SORCS2: variants seen among roughly 807,000 people sequenced by gnomAD.
The protein encoded by SORCS2 is sortilin related VPS10 domain containing receptor 2.
In SORCS2, 100 loss-of-function variants were observed where a neutral mutation model predicts 141.6. The observed-to-expected ratio is 0.71, with a 90% CI of 0.60 to 0.83. The LOEUF (loss-of-function observed/expected upper bound fraction) is 0.83. SORCS2 is among the 40% of genes least tolerant of loss of function. SORCS2 has a pLI of 0.00. For missense variants in SORCS2, 1,646 were observed against 1,560.2 expected, an observed-to-expected ratio of 1.05 and a Z score of -0.93; for synonymous variants, 789 against 676.9, an observed-to-expected ratio of 1.17 and a Z score of -2.57.
In SORCS2 at chr4:7,638,232, G is replaced by A. The variant is rs1380012009; in HGVS notation, c.649-96G>A. ...TCACAACCCCCTTTCTGGTGTGAGG[G>A]AGAGAGGCGCACCTGGCCCAGGCCT... On this transcript the variant is annotated intron_variant, in intron 3 of 26. Coordinates refer to ENST00000507866, the MANE Select transcript of SORCS2 (RefSeq NM_020777.3). The A allele has an allele frequency of 3.6e-6, 5 of 1,390,774 alleles. No homozygotes were observed. In the East Asian group the frequency reaches 1.3e-4, roughly 37 times the overall value. 86.2% of individuals were successfully genotyped at this position (1,390,774 alleles called of 1,614,324 possible).
chr4:7,403,152 A>G (rs756567959), intron 2 of SORCS2, among the ~76,000 whole-genome samples: 3 of 152,194 alleles, frequency 2.0e-5, no homozygotes, highest in Non-Finnish European at 4.4e-5. Flanking sequence ...GCTATATGGC[A>G]ATAACGAACC....
intron 1 of SORCS2, among the ~76,000 whole-genome samples, chr4:7,335,778 G>A (rs939458612): frequency 2.6e-5 from 4 of 152,260 alleles, no homozygotes; most frequent in African/African-American, 9.6e-5. Context: ...CGGCTGGGGG[G>A]TGTGGCGTGG....
intron 3 of SORCS2, among the ~76,000 whole-genome samples, chr4:7,616,311 C>T (rs978318507): frequency 2.6e-5 from 4 of 152,116 alleles, no homozygotes; most frequent in Admixed American, 2.6e-4. Context: ...ATCCATCCAT[C>T]CATCCATCTG....
At chr4:7,501,060 T>G (rs1364311894) in intron 2 of SORCS2, among the ~76,000 whole-genome samples, 25 of 152,222 alleles carry the variant, frequency 1.6e-4, no homozygotes, top group Admixed American at 9.8e-4. Flanking sequence ...CTTGGGACCG[T>G]GAGCCCTGGA....
At chr4:7,701,102 C>G (rs1725048144) in intron 12 of SORCS2, among the ~76,000 whole-genome samples, 1 of 152,182 alleles carries the variant, frequency 6.6e-6, no homozygotes, top group Admixed American at 6.5e-5. Flanking sequence ...GGGCTTAATC[C>G]TTCTTGGCCC....
chr4:7,373,478 A>ATT (rs71173496), intron 1 of SORCS2, among the ~76,000 whole-genome samples: 2,169 of 36,736 alleles, frequency 0.059, 347 homozygotes, highest in Non-Finnish European at 0.072. Context: ...ATATATATAT[A>ATT]TTTTTTTTTT....
At chr4:7,495,226 C>T (rs559603783) in intron 2 of SORCS2, among the ~76,000 whole-genome samples, 2 of 152,340 alleles carry the variant, frequency 1.3e-5, no homozygotes, top group Admixed American at 6.5e-5. Context: ...CAGAACTCTG[C>T]CTCCCCTTGG....
chr4:7,594,057 C>G (rs757934676), intron 3 of SORCS2, among the ~76,000 whole-genome samples: 28 of 152,336 alleles, frequency 1.8e-4, no homozygotes, highest in Admixed American at 5.9e-4. Context: ...TGGGCTAGGT[C>G]TGGTGATACC....
intron 8 of SORCS2, among the ~76,000 whole-genome samples, chr4:7,674,129 G>A (rs1303396285): frequency 2.6e-5 from 4 of 151,856 alleles, no homozygotes; most frequent in Non-Finnish European, 5.9e-5. Flanking sequence ...ACATGGGGAC[G>A]GCCAGGCTCT....
chr4:7,242,404 A>G (rs111492801), intron 1 of SORCS2, among the ~76,000 whole-genome samples: 2,945 of 151,692 alleles, frequency 0.019, 80 homozygotes, highest in African/African-American at 0.066. Flanking sequence ...GGGTCTCACT[A>G]TGTTGCCCAG....
chr4:7,658,481 A>G (rs1015270784), intron 5 of SORCS2, among the ~76,000 whole-genome samples: 7 of 152,176 alleles, frequency 4.6e-5, no homozygotes, highest in Admixed American at 3.9e-4. Flanking sequence ...AGGAGAGAGC[A>G]ATGTCAGGCC....
At chr4:7,246,917 T>A (rs1433593626) in intron 1 of SORCS2, among the ~76,000 whole-genome samples, 2 of 152,200 alleles carry the variant, frequency 1.3e-5, no homozygotes, top group Non-Finnish European at 2.9e-5. Context: ...CAGTCCTCCC[T>A]CCGTCCAGGC....
intron 2 of SORCS2, among the ~76,000 whole-genome samples, chr4:7,406,417 A>T (rs1724975233): frequency 1.5e-5 from 2 of 135,346 alleles, no homozygotes; most frequent in Non-Finnish European, 3.2e-5. Flanking sequence ...TTTTGTTACT[A>T]ATTGTTGACT....
Position 7,531,540 on chromosome 4 carries a change from T to A in SORCS2, c.559T>A (p.Phe187Ile), listed in dbSNP as rs1299170789. Residue 187 changes from phenylalanine to isoleucine, a missense_variant, in exon 3 of 27, where the codon TTC becomes ATC. Coordinates refer to ENST00000507866, the MANE Select transcript of SORCS2 (RefSeq NM_020777.3). Reference protein sequence around the residue: ...LESSLWRSSDFGTSYTKLTLQ... With the variant: ...LESSLWRSSDIGTSYTKLTLQ... The stretch of plus-strand genomic sequence containing the variant: ...CCCCTTTTCCCCCAGGTCATCAGAT[T>A]TCGGGACGTCCTACACCAAGCTCAC... 7.4e-6 allele frequency: 12 copies of A among 1,613,640 alleles called. No individual in the cohort carries two copies. Among genetic ancestry groups the A allele is most frequent in the Non-Finnish European group, 1.0e-5 (12 of 1,179,784 alleles).
At chr4:7,249,363 T>TG (rs540191505) in intron 1 of SORCS2, among the ~76,000 whole-genome samples, 23 of 151,584 alleles carry the variant, frequency 1.5e-4, no homozygotes, top group Admixed American at 3.3e-4. Context: ...GTTCCAAGAG[T>TG]GGAAGTGGAA....
intron 2 of SORCS2, among the ~76,000 whole-genome samples, chr4:7,456,275 A>G (rs78362042): frequency 0.034 from 5,223 of 152,280 alleles, 326 homozygotes; most frequent in African/African-American, 0.12. Flanking sequence ...AATTCTGCCC[A>G]TGACAGGAGC....
intron 5 of SORCS2, among the ~76,000 whole-genome samples, chr4:7,656,207 G>A (rs62290677): frequency 0.021 from 3,177 of 152,304 alleles, 50 homozygotes; most frequent in Non-Finnish European, 0.035. Context: ...AAGCTACACA[G>A]CAAGCAAGCT....
chr4:7,346,845 C>T (rs1048586985), intron 1 of SORCS2, among the ~76,000 whole-genome samples: 2 of 152,104 alleles, frequency 1.3e-5, no homozygotes, highest in African/African-American at 4.8e-5. Flanking sequence ...CCATGAGTTC[C>T]CAGGGTGTCT....
At chr4:7,738,743 A>G (rs16840961) in intron 26 of SORCS2, among the ~76,000 whole-genome samples, 1 of 151,966 alleles carries the variant, frequency 6.6e-6, no homozygotes, top group Non-Finnish European at 1.5e-5. Context: ...AAATTATTGA[A>G]AGTGAGGCTC....
Sources: gnomAD v4.1 joint callset for allele counts (sites outside exome capture counted in the v4.1 genomes callset) on GRCh38, gnomAD v4.1.1 for gene constraint, MANE v1.5 for transcripts, NCBI Gene and HGNC (gene_info 2026-07-23, HGNC 2026-07-21) for gene names.